TAFA5: variants seen among roughly 807,000 people sequenced by gnomAD.
The protein encoded by TAFA5 is TAFA chemokine like family member 5.
In TAFA5, 6 loss-of-function variants were observed where a neutral mutation model predicts 15.3. The observed-to-expected ratio is 0.39, with a 90% confidence interval of 0.21 to 0.77. The LOEUF (loss-of-function observed/expected upper bound fraction) is 0.77. Among genes scored for constraint, TAFA5 ranks in the 30% least tolerant of loss-of-function variants. The probability of loss-of-function intolerance (pLI) is 0.41; values close to 1 mark genes in which losing one functional copy is unlikely to be tolerated. For synonymous variants in TAFA5, 103 were observed against 80.7 expected (o/e 1.28, Z -1.48); for missense variants, 161 against 193.1 (o/e 0.83, Z 0.98).
intron 1 of TAFA5, among the ~76,000 whole-genome samples, chr22:48,527,748 G>C (rs1237603268): frequency 6.6e-6 from 1 of 152,220 alleles, no homozygotes; most frequent in African/African-American, 2.4e-5. Context: ...CCCTTCCTGG[G>C]TCAGCCTCTG....
At chr22:48,542,437 T>G in intron 1 of TAFA5, among the ~76,000 whole-genome samples, 2 of 130,468 alleles carry the variant, frequency 1.5e-5, no homozygotes, top group Non-Finnish European at 3.2e-5. Context: ...GTGTGTGGTG[T>G]GTGTGTGGTG....
chr22:48,507,601 T>C (rs1312078764), intron 1 of TAFA5, among the ~76,000 whole-genome samples: 1 of 152,202 alleles, frequency 6.6e-6, no homozygotes, highest in African/African-American at 2.4e-5. Context: ...GGGTTGTCTT[T>C]GGCCCCAGAA....
intron 1 of TAFA5, among the ~76,000 whole-genome samples, chr22:48,627,341 G>A (rs5771719): frequency 0.52 from 78,913 of 152,140 alleles, 22,002 homozygotes; most frequent in East Asian, 0.86. Context: ...GCACGTGCCC[G>A]GCAGCTGCAG....
chr22:48,593,945 T>C (rs1924668389), intron 1 of TAFA5, among the ~76,000 whole-genome samples: 1 of 152,224 alleles, frequency 6.6e-6, no homozygotes, highest in Non-Finnish European at 1.5e-5. Flanking sequence ...GTGTCGGCTC[T>C]CATTTTCGTT....
intron 1 of TAFA5, among the ~76,000 whole-genome samples, chr22:48,518,123 C>G (rs77194460): frequency 0.022 from 3,329 of 152,276 alleles, 72 homozygotes; most frequent in East Asian, 0.076. Context: ...GGGGGCTCCT[C>G]TCACATTGTC....
chr22:48,573,496 C>G (rs1923656073), intron 1 of TAFA5, among the ~76,000 whole-genome samples: 1 of 151,990 alleles, frequency 6.6e-6, no homozygotes, highest in Non-Finnish European at 1.5e-5. Context: ...CCAATGGCAC[C>G]CAGGGCCTCT....
At chr22:48,621,401 C>A (rs1925832819) in intron 1 of TAFA5, among the ~76,000 whole-genome samples, 1 of 151,942 alleles carries the variant, frequency 6.6e-6, no homozygotes, top group Non-Finnish European at 1.5e-5. Flanking sequence ...GTTGGGTGCT[C>A]CATCCATGGC....
intron 1 of TAFA5, among the ~76,000 whole-genome samples, chr22:48,615,471 G>C (rs1377694266): frequency 6.6e-6 from 1 of 152,248 alleles, no homozygotes; most frequent in African/African-American, 2.4e-5. Flanking sequence ...TCGCCTAGCT[G>C]TGGGGGCCAT....
At chr22:48,730,007 A>G (rs1929824892) in intron 3 of TAFA5, among the ~76,000 whole-genome samples, 1 of 152,138 alleles carries the variant, frequency 6.6e-6, no homozygotes, top group Admixed American at 6.6e-5. Flanking sequence ...TGGAATGTGC[A>G]TCCTCTGGTG....
intron 1 of TAFA5, among the ~76,000 whole-genome samples, chr22:48,558,340 A>T (rs1473722559): frequency 6.6e-6 from 1 of 152,224 alleles, no homozygotes; most frequent in Non-Finnish European, 1.5e-5. Flanking sequence ...CATTTTACAC[A>T]TAGACAAATT....
chr22:48,740,315 T>C (rs1930143521), intron 3 of TAFA5, among the ~76,000 whole-genome samples: 1 of 152,178 alleles, frequency 6.6e-6, no homozygotes, highest in Admixed American at 6.5e-5. Context: ...GCAGACGAGC[T>C]GGTCGCAGAG....
intron 1 of TAFA5, among the ~76,000 whole-genome samples, chr22:48,506,965 G>A (rs1247594678): frequency 6.6e-6 from 1 of 152,200 alleles, no homozygotes; most frequent in Non-Finnish European, 1.5e-5. Flanking sequence ...CCAGCCCACA[G>A]CAGAGGGGGG....
intron 1 of TAFA5, among the ~76,000 whole-genome samples, chr22:48,603,120 G>A (rs777665737): frequency 6.6e-6 from 1 of 152,212 alleles, no homozygotes; most frequent in African/African-American, 2.4e-5. Flanking sequence ...GGCCCCCCAC[G>A]TCCAGGACCT....
intron 2 of TAFA5, among the ~76,000 whole-genome samples, chr22:48,698,375 G>A (rs977540386): frequency 6.6e-6 from 1 of 151,128 alleles, no homozygotes; most frequent in African/African-American, 2.4e-5. Flanking sequence ...GCCAAGGGAA[G>A]GGAATCAGTT....
chr22:48,508,951 A>T (rs1222792438), intron 1 of TAFA5, among the ~76,000 whole-genome samples: 1 of 152,170 alleles, frequency 6.6e-6, no homozygotes, highest in African/African-American at 2.4e-5. Context: ...TCCACTAGCC[A>T]ACCTCTCCCT....
At chr22:48,524,202 C>T (rs1921703341) in intron 1 of TAFA5, among the ~76,000 whole-genome samples, 1 of 152,240 alleles carries the variant, frequency 6.6e-6, no homozygotes, top group South Asian at 2.1e-4. Flanking sequence ...ACCTCAGGGC[C>T]TCCATCTCCA....
chr22:48,720,682 A>G (rs6010603), intron 3 of TAFA5, among the ~76,000 whole-genome samples: 14,286 of 152,234 alleles, frequency 0.094, 837 homozygotes, highest in African/African-American at 0.15. Flanking sequence ...GCAGCTTCCC[A>G]GAAGTTCTCA....
intron 2 of TAFA5, among the ~76,000 whole-genome samples, chr22:48,703,171 T>C (rs1372112456): frequency 6.6e-6 from 1 of 152,134 alleles, no homozygotes; most frequent in African/African-American, 2.4e-5. Context: ...TGTGTGTGCC[T>C]GCATGCCTTT....
chr22:48,576,507 A>C (rs1464654192), intron 1 of TAFA5: 2 of 1,504,272 alleles, frequency 1.3e-6, no homozygotes, highest in Non-Finnish European at 1.8e-6. Flanking sequence ...CGCTCTGGGC[A>C]CTGGCAGGGG....
Sources: gnomAD v4.1 joint callset for allele counts (sites outside exome capture counted in the v4.1 genomes callset) on GRCh38, gnomAD v4.1.1 for gene constraint, MANE v1.5 for transcripts, NCBI Gene and HGNC (gene_info 2026-07-23, HGNC 2026-07-21) for gene names.